Variants in MTUS2 observed in about 807,000 individuals in gnomAD.
MTUS2 encodes the protein microtubule associated scaffold protein 2.
Under a neutral mutation model 114.1 loss-of-function variants are expected in MTUS2, and 40 were observed. The ratio of observed to expected loss-of-function variants is 0.35; its 90% CI spans 0.27 to 0.46. MTUS2 has a LOEUF of 0.46. Ranked by LOEUF, MTUS2 falls within the 20% of genes least tolerant of loss-of-function variation. The pLI, the probability that MTUS2 is intolerant of heterozygous loss-of-function variation, is 1.00. For missense variants in MTUS2, 1,679 were observed against 1,705.4 expected, an observed-to-expected ratio of 0.98 and a Z score of 0.27; for synonymous variants, 688 against 672.0, an observed-to-expected ratio of 1.02 and a Z score of -0.37.
At chr13:29,152,043 A>AT (rs1892682978) in intron 5 of MTUS2, among the ~76,000 whole-genome samples, 1 of 152,104 alleles carries the variant, frequency 6.6e-6, no homozygotes, top group Admixed American at 6.6e-5. Flanking sequence ...TGCCGGCTTC[A>AT]TAGAATGAGT....
rs1890443982 is a variant in MTUS2 at position 29,102,122 on chromosome 13, G to C, written c.2644+1152G>C. 2.6e-5 allele frequency among the ~76,000 whole-genome samples: 4 copies of C among 152,136 alleles called. No individual in the cohort carries two copies. In the South Asian group the frequency reaches 8.3e-4, roughly 32 times the overall value. ...TAGTGATTACATCATTACACAGTAG[G>C]GGTCTCAAAATCTGAAACATGAATG... is the stretch of plus-strand genomic sequence containing the variant. On this transcript the variant is annotated intron_variant, in intron 5 of 15. Coordinates refer to ENST00000612955, the MANE Select transcript of MTUS2 (RefSeq NM_001033602.4).
At chr13:29,048,173 T>C in intron 4 of MTUS2, among the ~76,000 whole-genome samples, 1 of 152,238 alleles carries the variant, frequency 6.6e-6, no homozygotes, top group East Asian at 1.9e-4. Flanking sequence ...TTTCAGTGTA[T>C]TTTTCATCTC....
chr13:29,003,778 G>A lies in MTUS2; in HGVS notation c.-242-20679G>A, dbSNP rs1885484544. ...ATAGACAAGAGCAAGGGAGTGCTGG[G>A]CATGGGCAGTGGGAACAAACTAGGC... On this transcript the variant is annotated intron_variant, in intron 2 of 15. Transcript: ENST00000612955. Among the ~76,000 whole-genome samples the A allele has an allele frequency of 2.6e-5, 4 of 152,290 alleles. No individual in the cohort carries two copies. The South Asian group carries it at 8.3e-4, about 32-fold the overall frequency.
At chr13:29,038,099 T>C (rs182575989) in intron 4 of MTUS2, among the ~76,000 whole-genome samples, 20 of 152,182 alleles carry the variant, frequency 1.3e-4, no homozygotes, top group Non-Finnish European at 2.9e-5. Flanking sequence ...GGCATTCTGG[T>C]GTTTGGAATT....
intron 2 of MTUS2, among the ~76,000 whole-genome samples, chr13:29,002,259 C>T (rs756706337): frequency 1.3e-5 from 2 of 152,140 alleles, no homozygotes; most frequent in African/African-American, 4.8e-5. Flanking sequence ...GCAAAATGAC[C>T]GTGTTCTTTT....
At chr13:28,855,431 C>G (rs1876562143) in intron 2 of MTUS2, among the ~76,000 whole-genome samples, 1 of 152,096 alleles carries the variant, frequency 6.6e-6, no homozygotes, top group Non-Finnish European at 1.5e-5. Flanking sequence ...CTAGACTGCC[C>G]CACTACTGAC....
chr13:29,084,826 G>T (rs550158839), intron 4 of MTUS2, among the ~76,000 whole-genome samples: 9 of 42,254 alleles, frequency 2.1e-4, no homozygotes, highest in African/African-American at 6.2e-4. Context: ...GGGATTACAG[G>T]CATGAGCTAC....
At chr13:29,030,245 G>T (rs762580915) in intron 3 of MTUS2, among the ~76,000 whole-genome samples, 1 of 152,312 alleles carries the variant, frequency 6.6e-6, no homozygotes, top group Admixed American at 6.5e-5. Flanking sequence ...TATGGACATT[G>T]TGTGGCTTTG....
rs547921415 is a variant in MTUS2, at chr13:29,461,049, A to G, written c.3185-19101A>G. On this transcript the variant is annotated intron_variant, in intron 9 of 15. Coordinates refer to ENST00000612955, the MANE Select transcript of MTUS2 (RefSeq NM_001033602.4). Reference sequence around the variant, plus strand: ...TGTCTGAGACTGGAATTGATAAAGAACAGAGATTAATTTCTTACAGTTCTG... The same window carrying G: ...TGTCTGAGACTGGAATTGATAAAGAGCAGAGATTAATTTCTTACAGTTCTG... 2.2e-3 allele frequency among the ~76,000 whole-genome samples: 336 copies of G among 152,324 alleles called. 4 individuals are homozygous for G. The highest frequency in any genetic ancestry group is 3.4e-3 in the Middle Eastern group (1 of 294).
intron 5 of MTUS2, among the ~76,000 whole-genome samples, chr13:29,191,353 G>T (rs1894442017): frequency 6.6e-6 from 1 of 152,000 alleles, no homozygotes; most frequent in African/African-American, 2.4e-5. Flanking sequence ...ACTGATACAG[G>T]AGGAGAATTA....
At chr13:29,224,639 A>G in intron 5 of MTUS2, among the ~76,000 whole-genome samples, 1 of 152,296 alleles carries the variant, frequency 6.6e-6, no homozygotes. Context: ...TTATTTTAAA[A>G]TCTTCATCAG....
chr13:29,182,958 A>G (rs1459857712), intron 5 of MTUS2, among the ~76,000 whole-genome samples: 1 of 152,174 alleles, frequency 6.6e-6, no homozygotes, highest in African/African-American at 2.4e-5. Context: ...ATGAGTTGAC[A>G]GATGACGAGG....
At chr13:28,991,593 C>G (rs535301802) in intron 2 of MTUS2, among the ~76,000 whole-genome samples, 1 of 152,154 alleles carries the variant, frequency 6.6e-6, no homozygotes. Flanking sequence ...TGGTCTCAGT[C>G]TCCTGACCTC....
At chr13:29,214,882 A>G (rs1895613970) in intron 5 of MTUS2, among the ~76,000 whole-genome samples, 1 of 151,976 alleles carries the variant, frequency 6.6e-6, no homozygotes, top group East Asian at 1.9e-4. Flanking sequence ...TGTTCTCTGT[A>G]TTTCCTGAAT....
chr13:29,401,474 AC>A (rs982097705), intron 8 of MTUS2, among the ~76,000 whole-genome samples: 7 of 152,172 alleles, frequency 4.6e-5, no homozygotes, highest in African/African-American at 1.7e-4. Context: ...TGCCTCTGAT[AC>A]AGCAAAAGTT....
chr13:29,445,836 A>G (rs984126566), intron 9 of MTUS2, among the ~76,000 whole-genome samples: 6 of 151,960 alleles, frequency 3.9e-5, no homozygotes, highest in Non-Finnish European at 8.8e-5. Flanking sequence ...TGAACCTGGG[A>G]GGCGGATGTT....
chr13:29,062,174 C>T (rs1039640910), intron 4 of MTUS2, among the ~76,000 whole-genome samples: 17 of 152,000 alleles, frequency 1.1e-4, no homozygotes, highest in African/African-American at 2.9e-4. Context: ...TTGGTAGAGA[C>T]GGGGTTTCAC....
At chr13:29,501,698 C>T (rs1005164171) in intron 15 of MTUS2, among the ~76,000 whole-genome samples, 1 of 152,236 alleles carries the variant, frequency 6.6e-6, no homozygotes, top group African/African-American at 2.4e-5. Flanking sequence ...GCTGCTCTCC[C>T]ATGAGGGCTG....
intron 2 of MTUS2, among the ~76,000 whole-genome samples, chr13:28,903,119 C>G (rs1048669615): frequency 1.3e-5 from 2 of 152,110 alleles, no homozygotes; most frequent in Non-Finnish European, 2.9e-5. Flanking sequence ...CCTTTAGCCA[C>G]TCTGTGAGGA....
Sources: allele counts gnomAD v4.1 joint callset (sites outside exome capture counted in the v4.1 genomes callset), GRCh38; gene constraint gnomAD v4.1.1; transcripts MANE v1.5; gene names NCBI Gene and HGNC (gene_info 2026-07-23, HGNC 2026-07-21).